Variants in SPAM1 observed in about 807,000 individuals in gnomAD.
SPAM1 encodes sperm adhesion molecule 1.
SPAM1 carries 22 observed loss-of-function variants against 29.6 expected under a neutral mutation model. That is an observed-to-expected ratio of 0.74 (90% confidence interval 0.53 to 1.06). The LOEUF (loss-of-function observed/expected upper bound fraction) is 1.06, where lower values mean the gene tolerates loss of function less well. SPAM1 is among the 50% of genes least tolerant of loss of function. SPAM1 has a pLI of 0.00. For synonymous variants in SPAM1, 194 were observed against 204.6 expected, an observed-to-expected ratio of 0.95 and a Z score of 0.44; for missense variants, 534 against 604.0, an observed-to-expected ratio of 0.88 and a Z score of 1.21.
At chr7:123,933,829 C>T (rs1808165533) in intron 1 of SPAM1, among the ~76,000 whole-genome samples, 1 of 152,118 alleles carries the variant, frequency 6.6e-6, no homozygotes, top group Admixed American at 6.5e-5. Context: ...TACAGTCATA[C>T]TCTGTATAAT....
intron 2 of SPAM1, among the ~76,000 whole-genome samples, chr7:123,950,473 G>A (rs1808723897): frequency 6.6e-6 from 1 of 151,960 alleles, no homozygotes; most frequent in Non-Finnish European, 1.5e-5. Flanking sequence ...ATGTCCATGA[G>A]TACTCATTGT....
At chr7:123,927,586 T>C (rs1038556343) in intron 1 of SPAM1, among the ~76,000 whole-genome samples, 1 of 152,214 alleles carries the variant, frequency 6.6e-6, no homozygotes, top group Non-Finnish European at 1.5e-5. Flanking sequence ...AGATATCTCA[T>C]GTTCTTAGCA....
At chr7:123,949,269 T>G (rs2117051888) in intron 1 of SPAM1, among the ~76,000 whole-genome samples, 1 of 152,258 alleles carries the variant, frequency 6.6e-6, no homozygotes, top group South Asian at 2.1e-4. Context: ...TTGTTTCCAC[T>G]TTTTATTTGA....
In SPAM1 at chr7:123,947,494, G is replaced by C. The variant is rs575052863; in HGVS notation, c.-318-2378G>C. ...GAGCTTGGGAGTTGGAGGTTGTAGT[G>C]AGCTAAGATGGTGCCACTGCACTCC... On this transcript the variant is annotated intron_variant, in intron 1 of 4. Coordinates refer to ENST00000682466, the MANE Select transcript of SPAM1 (RefSeq NM_153189.3). Among the ~76,000 whole-genome samples the C allele has an allele frequency of 6.7e-4, 102 of 152,118 alleles. 2 individuals carry two copies. The South Asian group carries it at 0.021, about 31-fold the overall frequency.
At position 123,959,990 on chromosome 7, in the gene SPAM1, G is replaced by T; in HGVS notation, c.*21G>T. 1 of 1,581,212 alleles carries T rather than the reference G, an allele frequency of 6.3e-7. No homozygotes were observed. Among genetic ancestry groups the T allele is most frequent in the South Asian group, 1.2e-5 (1 of 85,010 alleles). ...TGTAATTGCGCAGGTTAGCTGAAATGAACAATATGTCCATCTTAAAGTGTG... is the reference window on the plus strand; with the variant it reads ...TGTAATTGCGCAGGTTAGCTGAAATTAACAATATGTCCATCTTAAAGTGTG... On this transcript the variant is annotated 3_prime_UTR_variant, in exon 5 of 5. Transcript: ENST00000682466.
chr7:123,953,291 T>C (rs1255883371), intron 2 of SPAM1, 74 bp from the exon 3 acceptor site: 1 of 310,122 alleles, frequency 3.2e-6, no homozygotes, highest in African/African-American at 2.1e-5. Context: ...GCACTTAAAG[T>C]TGAGAACTTG....
intron 1 of SPAM1, among the ~76,000 whole-genome samples, chr7:123,949,479 T>G (rs1277229815): frequency 6.6e-6 from 1 of 152,172 alleles, no homozygotes; most frequent in African/African-American, 2.4e-5. Context: ...ATTTACATGT[T>G]GCATCATTAT....
intron 5 of SPAM1, among the ~76,000 whole-genome samples, chr7:123,965,351 G>A (rs922744948): frequency 6.6e-6 from 1 of 152,050 alleles, no homozygotes; most frequent in East Asian, 1.9e-4. Flanking sequence ...ATCGCTTTTG[G>A]CATTTTCGTC....
chr7:123,928,533 G>A (rs1383879623), intron 1 of SPAM1, among the ~76,000 whole-genome samples: 1 of 152,120 alleles, frequency 6.6e-6, no homozygotes. Context: ...ATATTGGGGT[G>A]GCCTAAGATG....
At chr7:123,954,588 ATAT>A in intron 3 of SPAM1, 64 bp downstream of exon 3, 1 of 1,149,410 alleles carries the variant, frequency 8.7e-7, no homozygotes, top group Non-Finnish European at 1.2e-6. Flanking sequence ...TTGAAATTTA[ATAT>A]TATTTTTGAA....
chr7:123,927,714 A>G (rs1255394313), intron 1 of SPAM1, among the ~76,000 whole-genome samples: 1 of 152,168 alleles, frequency 6.6e-6, no homozygotes, highest in African/African-American at 2.4e-5. Context: ...TTTGGTTATA[A>G]AGAAAGAGGT....
intron 5 of SPAM1, among the ~76,000 whole-genome samples, chr7:123,967,856 G>T (rs1471606677): frequency 6.6e-6 from 1 of 151,964 alleles, no homozygotes; most frequent in Non-Finnish European, 1.5e-5. Flanking sequence ...GGAGAAATTG[G>T]GTCTTTGAGT....
intron 1 of SPAM1, among the ~76,000 whole-genome samples, chr7:123,944,497 G>T (rs916071768): frequency 6.6e-6 from 1 of 151,992 alleles, no homozygotes; most frequent in African/African-American, 2.4e-5. Context: ...TGTTTGTTAG[G>T]CCCAGTTACC....
At chr7:123,931,489 G>A (rs1808077562) in intron 1 of SPAM1, among the ~76,000 whole-genome samples, 1 of 152,164 alleles carries the variant, frequency 6.6e-6, no homozygotes, top group African/African-American at 2.4e-5. Flanking sequence ...AGACAGGTAG[G>A]CCTGACTGGA....
At chr7:123,959,374 T>C (rs1563032187) in intron 4 of SPAM1, 110 bp from the exon 5 acceptor site, 2 of 677,902 alleles carry the variant, frequency 3.0e-6, no homozygotes, top group Non-Finnish European at 4.9e-6. Flanking sequence ...TACTTCTTGC[T>C]ATCTCTGGTT....
chr7:123,927,517 T>C (rs928001899), intron 1 of SPAM1, among the ~76,000 whole-genome samples: 3 of 152,214 alleles, frequency 2.0e-5, no homozygotes, highest in African/African-American at 4.8e-5. Flanking sequence ...GCTTTTTGGT[T>C]TTGGGAGAAA....
At chr7:123,949,349 C>G (rs1289733591) in intron 1 of SPAM1, among the ~76,000 whole-genome samples, 1 of 152,068 alleles carries the variant, frequency 6.6e-6, no homozygotes. Context: ...TCAGAAAATA[C>G]AAATATTCTT....
At chr7:123,939,911 C>T (rs951964019) in intron 1 of SPAM1, among the ~76,000 whole-genome samples, 1 of 152,200 alleles carries the variant, frequency 6.6e-6, no homozygotes, top group African/African-American at 2.4e-5. Context: ...CCTGCCTTAC[C>T]TGAGATCTTT....
Position 123,960,021 on chromosome 7 carries a change from T to C in SPAM1, c.*52T>C. On this transcript the variant is annotated 3_prime_UTR_variant, in exon 5 of 5. Coordinates refer to ENST00000682466, the MANE Select transcript of SPAM1 (RefSeq NM_153189.3). ...TATGTCCATCTTAAAGTGTGCTTTT[T>C]CGACTAATTAAATCTTTGAAAAGAA... The C allele has an allele frequency of 6.6e-7, 1 of 1,521,484 alleles. No individual in the cohort carries two copies. Among genetic ancestry groups the C allele is most frequent in the Non-Finnish European group, 8.7e-7 (1 of 1,143,642 alleles). The allele number at this position is 1,521,484 out of a possible 1,614,324, so 94.2% of individuals were successfully genotyped here.
Sources: gnomAD v4.1 joint callset for allele counts (sites outside exome capture counted in the v4.1 genomes callset) on GRCh38, gnomAD v4.1.1 for gene constraint, MANE v1.5 for transcripts, NCBI Gene and HGNC (gene_info 2026-07-23, HGNC 2026-07-21) for gene names.